Variants in ARMC8 observed in about 807,000 individuals in gnomAD.
The protein encoded by ARMC8 is armadillo repeat-containing protein 8.
ARMC8 carries 20 observed loss-of-function variants against 99.3 expected under a neutral mutation model. The ratio of observed to expected loss-of-function variants is 0.20; its 90% confidence interval spans 0.14 to 0.29. The LOEUF (loss-of-function observed/expected upper bound fraction) is 0.29, where lower values mean the gene tolerates loss of function less well. Ranked by LOEUF, ARMC8 falls within the 10% of genes least tolerant of loss-of-function variation. ARMC8 has a pLI of 1.00. For synonymous variants in ARMC8, 263 were observed against 278.3 expected, an observed-to-expected ratio of 0.95 and a Z score of 0.55; for missense variants, 569 against 809.5, an observed-to-expected ratio of 0.70 and a Z score of 3.60.
chr3:138,212,823 A>G (rs1170301481), intron 2 of ARMC8, among the ~76,000 whole-genome samples: 1 of 152,170 alleles, frequency 6.6e-6, no homozygotes, highest in Non-Finnish European at 1.5e-5. Context: ...AATTTTAGGG[A>G]AGGAAAAGGT....
In ARMC8 at chr3:138,245,072, C is replaced by T. The variant is rs567697082; in HGVS notation, c.1039-16C>T. 24 of 1,612,752 alleles carry T rather than the reference C, an allele frequency of 1.5e-5. No homozygotes were observed. In the South Asian group the frequency reaches 2.4e-4, roughly 16 times the overall value. On this transcript the variant is annotated splice_polypyrimidine_tract_variant and intron_variant, in intron 11 of 21. Coordinates refer to ENST00000469044, the MANE Select transcript of ARMC8 (RefSeq NM_001363941.2). Reference sequence around the variant, plus strand: ...TTTATGGACTGAGTTGGAACATATCCTTTTTTTCCCCATAGCTTGATCATG... The same window carrying T: ...TTTATGGACTGAGTTGGAACATATCTTTTTTTTCCCCATAGCTTGATCATG...
chr3:138,235,231 T>C (rs1221053684), intron 7 of ARMC8, 117 bp downstream of exon 7: 19 of 709,472 alleles, frequency 2.7e-5, no homozygotes, highest in Non-Finnish European at 4.2e-5. Flanking sequence ...ATTTTATCAG[T>C]AAAATGTTAT....
intron 6 of ARMC8, among the ~76,000 whole-genome samples, chr3:138,232,319 G>C (rs1438797318): frequency 1.3e-5 from 2 of 152,060 alleles, no homozygotes; most frequent in Non-Finnish European, 2.9e-5. Flanking sequence ...ACCTCAGAGA[G>C]GAGGAAGAAC....
chr3:138,233,218 A>T (rs1459086921), intron 6 of ARMC8, among the ~76,000 whole-genome samples: 2 of 152,194 alleles, frequency 1.3e-5, no homozygotes, highest in Non-Finnish European at 2.9e-5. Flanking sequence ...ATAACTGCAG[A>T]TGATGCATGG....
chr3:138,190,774 A>C (rs1348997403), intron 1 of ARMC8, among the ~76,000 whole-genome samples: 1 of 152,222 alleles, frequency 6.6e-6, no homozygotes, highest in Non-Finnish European at 1.5e-5. Flanking sequence ...TTGCTAGGCA[A>C]GCATGGTGTT....
intron 2 of ARMC8, among the ~76,000 whole-genome samples, chr3:138,217,241 A>G (rs2045109098): frequency 6.6e-6 from 1 of 152,080 alleles, no homozygotes; most frequent in South Asian, 2.1e-4. Flanking sequence ...ACTGTAATTG[A>G]TTTTTTAGCT....
At chr3:138,211,339 A>G (rs1412773926) in intron 2 of ARMC8, among the ~76,000 whole-genome samples, 1 of 152,220 alleles carries the variant, frequency 6.6e-6, no homozygotes, top group African/African-American at 2.4e-5. Context: ...CACTGCTACT[A>G]TGTTTAGGAG....
At chr3:138,198,130 G>A (rs1341945180) in intron 1 of ARMC8, among the ~76,000 whole-genome samples, 2 of 152,008 alleles carry the variant, frequency 1.3e-5, no homozygotes. Context: ...GTGAGTTTGA[G>A]ATTTGAGACC....
At chr3:138,272,865 CTG>C in intron 16 of ARMC8, 100 bp from the exon 17 acceptor site, 1 of 1,090,170 alleles carries the variant, frequency 9.2e-7, no homozygotes, top group South Asian at 2.3e-5. Context: ...GAGCAAGACT[CTG>C]TCTCAAAAAA....
intron 20 of ARMC8, among the ~76,000 whole-genome samples, 178 bp downstream of exon 20, chr3:138,289,298 T>G (rs3732840): frequency 0.73 from 110,692 of 151,992 alleles, 40,437 homozygotes; most frequent in East Asian, 0.86. Flanking sequence ...AGTCAGCTGG[T>G]CAGTCAACAC....
At chr3:138,280,468 C>A (rs1275172366) in intron 18 of ARMC8, among the ~76,000 whole-genome samples, 1 of 149,884 alleles carries the variant, frequency 6.7e-6, no homozygotes, top group African/African-American at 2.5e-5. Flanking sequence ...CAGGTGCCCA[C>A]CACCATGCCT....
chr3:138,247,685 T>C (rs918633149), intron 12 of ARMC8, among the ~76,000 whole-genome samples: 1 of 152,210 alleles, frequency 6.6e-6, no homozygotes, highest in African/African-American at 2.4e-5. Flanking sequence ...CGCTGGCCTC[T>C]CTTCATATAA....
At chr3:138,216,720 T>C (rs943417453) in intron 2 of ARMC8, among the ~76,000 whole-genome samples, 1 of 152,248 alleles carries the variant, frequency 6.6e-6, no homozygotes, top group Non-Finnish European at 1.5e-5. Context: ...CAGTGAGTTT[T>C]CATAAGTAGA....
intron 2 of ARMC8, among the ~76,000 whole-genome samples, chr3:138,216,800 C>T: frequency 6.6e-6 from 1 of 152,068 alleles, no homozygotes; most frequent in Non-Finnish European, 1.5e-5. Flanking sequence ...ACTAATTAGA[C>T]CAGAAATACA....
chr3:138,202,240 G>C (rs976147740), intron 1 of ARMC8, among the ~76,000 whole-genome samples: 6 of 152,104 alleles, frequency 3.9e-5, no homozygotes, highest in South Asian at 2.1e-4. Context: ...CATTCATTTC[G>C]TCTGGGGTCA....
chr3:138,262,642 A>G, intron 12 of ARMC8: 1 of 1,497,232 alleles, frequency 6.7e-7, no homozygotes, highest in Non-Finnish European at 8.9e-7. Flanking sequence ...ACCCTGGAGA[A>G]TCTAATTTAA....
intron 6 of ARMC8, among the ~76,000 whole-genome samples, chr3:138,231,521 A>G (rs2046027482): frequency 3.9e-5 from 6 of 152,174 alleles, no homozygotes; most frequent in Admixed American, 2.0e-4. Flanking sequence ...TGAGCAGAAA[A>G]CACTCACTAG....
At chr3:138,248,580 T>G (rs867558157) in intron 12 of ARMC8, among the ~76,000 whole-genome samples, 1 of 152,224 alleles carries the variant, frequency 6.6e-6, no homozygotes, top group Non-Finnish European at 1.5e-5. Context: ...AGTCAGTGAT[T>G]AAGTCAGAAG....
At chr3:138,275,342 G>A (rs1031365351) in intron 18 of ARMC8, among the ~76,000 whole-genome samples, 2 of 152,120 alleles carry the variant, frequency 1.3e-5, no homozygotes, top group Non-Finnish European at 2.9e-5. Flanking sequence ...CGGATCACGA[G>A]GTCAGGAGAT....
Sources: gnomAD v4.1 joint callset for allele counts (sites outside exome capture counted in the v4.1 genomes callset) on GRCh38, gnomAD v4.1.1 for gene constraint, MANE v1.5 for transcripts, NCBI Gene and HGNC (gene_info 2026-07-23, HGNC 2026-07-21) for gene names.